Variants in ARVCF observed in about 807,000 individuals in gnomAD.
ARVCF encodes splicing regulator ARVCF.
ARVCF carries 66 observed loss-of-function variants against 90.9 expected under a neutral mutation model. That is an observed-to-expected ratio of 0.73 (90% CI 0.60 to 0.89). ARVCF has a LOEUF of 0.89. Ranked by LOEUF, ARVCF falls within the 40% of genes least tolerant of loss-of-function variation. The pLI, the probability that ARVCF is intolerant of heterozygous loss-of-function variation, is 0.00. For missense variants in ARVCF, 1,469 were observed against 1,382.3 expected, an observed-to-expected ratio of 1.06 and a Z score of -1.00; for synonymous variants, 653 against 603.4, an observed-to-expected ratio of 1.08 and a Z score of -1.21.
chr22:19,966,236 G>A (rs1942381554), downstream of ARVCF, among the ~76,000 whole-genome samples: 1 of 152,136 alleles, frequency 6.6e-6, no homozygotes, highest in Admixed American at 6.5e-5. Flanking sequence ...CCTTGTGGAG[G>A]GTTAGGGGAC....
chr22:19,978,551 GA>G, intron 7 of ARVCF, among the ~76,000 whole-genome samples: 1 of 152,296 alleles, frequency 6.6e-6, no homozygotes, highest in South Asian at 2.1e-4. Flanking sequence ...GGTAGGAGGG[GA>G]AGGGCAGAGG....
rs1432580216 is a variant in ARVCF, at chr22:19,973,129, C to G, written c.2428G>C (p.Val810Leu). Residue 810 changes from valine to leucine, a missense_variant, in exon 14 of 20, where the codon GTG (valine) becomes CTG (leucine). Transcript: ENST00000263207. ...ARGVPALVAL[V>L]ASSQSVREAK... Reference sequence around the variant, plus strand: ...CCCGCCCCTCCACACCTGGAGGCCACGAGAGCCACCAACGCTGGCACCCCG... The same window carrying G: ...CCCGCCCCTCCACACCTGGAGGCCAGGAGAGCCACCAACGCTGGCACCCCG... 6 of 1,606,710 alleles carry G rather than the reference C, an allele frequency of 3.7e-6. No homozygotes were observed. The highest frequency in any genetic ancestry group is 5.1e-6 in the Non-Finnish European group (6 of 1,177,508).
intron 3 of ARVCF, among the ~76,000 whole-genome samples, chr22:19,982,673 G>A (rs928501213): frequency 6.6e-6 from 1 of 152,210 alleles, no homozygotes; most frequent in Non-Finnish European, 1.5e-5. Flanking sequence ...ACGCCCTCAA[G>A]GGACAGAAAT....
intron 2 of ARVCF, among the ~76,000 whole-genome samples, chr22:19,994,889 T>C (rs1479542334): frequency 8.3e-6 from 1 of 120,414 alleles, no homozygotes; most frequent in African/African-American, 3.3e-5. Context: ...TGGTGGGGGA[T>C]GGATGGATGA....
chr22:19,981,839 C>T, intron 4 of ARVCF, 94 bp downstream of exon 4: 1 of 1,553,890 alleles, frequency 6.4e-7, no homozygotes, highest in Non-Finnish European at 8.7e-7. Context: ...CAATGAGAGG[C>T]CCCACGTGGC....
chr22:19,977,884 C>T, intron 8 of ARVCF, 74 bp downstream of exon 8: 7 of 1,475,560 alleles, frequency 4.7e-6, no homozygotes, highest in Non-Finnish European at 6.4e-6. Context: ...GCTGCTCCCA[C>T]AGTTCCAGCC....
chr22:19,970,421 C>A lies in ARVCF; in HGVS notation c.*335G>T, dbSNP rs535868598. On this transcript the variant is annotated 3_prime_UTR_variant, in exon 20 of 20. Coordinates refer to ENST00000263207, the MANE Select transcript of ARVCF (RefSeq NM_001670.3). ...TTCCCAGGGGCACCCTCCTATCCCACCAGCCCCAAAGCCCAGCCAGGCACC... is the reference window on the plus strand; with the variant it reads ...TTCCCAGGGGCACCCTCCTATCCCAACAGCCCCAAAGCCCAGCCAGGCACC... The A allele has an allele frequency of 4.2e-4, 448 of 1,073,572 alleles. 6 individuals carry two copies. In the South Asian group the frequency reaches 9.6e-3, roughly 23 times the overall value. The allele number at this position is 1,073,572 out of a possible 1,614,324, so 66.5% of individuals were successfully genotyped here. A position where few individuals can be genotyped will look rare whatever the true frequency, so the allele number is the denominator to read the frequency against.
Position 19,979,988 on chromosome 22 carries a change from T to C in ARVCF, c.1151A>G (p.His384Arg). 1 of 1,596,342 alleles carries C rather than the reference T, an allele frequency of 6.3e-7. No individual in the cohort carries two copies. Among genetic ancestry groups the C allele is most frequent in the Non-Finnish European group, 8.5e-7 (1 of 1,172,020 alleles). ...VKANAAAYLQ[H>R]LCFENEGVKR... The stretch of plus-strand genomic sequence containing the variant: ...GACACCCTCGTTCTCAAAGCACAGA[T>C]GCTGCAGGTAGGCGGCCGCATTGGC... The change falls in exon 6 of 20, where the codon CAT becomes CGT. Residue 384 changes from histidine (H) to arginine (R), a missense_variant. His to Arg is a conservative substitution (Grantham distance 29). Coordinates refer to ENST00000263207, the MANE Select transcript of ARVCF (RefSeq NM_001670.3).
At chr22:20,004,864 C>T (rs1028217078) in intron 2 of ARVCF, among the ~76,000 whole-genome samples, 2 of 152,168 alleles carry the variant, frequency 1.3e-5, no homozygotes, top group African/African-American at 4.8e-5. Context: ...CACACCCTTA[C>T]CTTATTACAT....
intron 2 of ARVCF, among the ~76,000 whole-genome samples, chr22:20,005,545 C>T (rs554097233): frequency 3.3e-5 from 5 of 152,266 alleles, no homozygotes; most frequent in Non-Finnish European, 5.9e-5. Context: ...TGAGGCCAGG[C>T]GTGGTGGCTC....
intron 18 of ARVCF, 48 bp from the exon 19 acceptor site, chr22:19,971,383 A>G (rs1172209814): frequency 1.3e-6 from 2 of 1,510,698 alleles, no homozygotes; most frequent in East Asian, 4.9e-5. Flanking sequence ...CAGGTTAGTT[A>G]GAGCTCCTGG....
At chr22:20,011,950 T>C (rs1007674991) in intron 1 of ARVCF, among the ~76,000 whole-genome samples, 4 of 151,942 alleles carry the variant, frequency 2.6e-5, no homozygotes, top group African/African-American at 9.7e-5. Flanking sequence ...AGCCGTCATC[T>C]CACTGACTCT....
intron 3 of ARVCF, chr22:19,987,265 GGGGCGTGGCGGGGGCCGGGGT>G (rs1211328384): frequency 1.3e-5 from 4 of 311,288 alleles, no homozygotes; most frequent in African/African-American, 6.6e-5. Context: ...GCGCCCAGGT[GGGGCGTGGCGGGGGCCGGGGT>G]GGGCGTGGCG....
chr22:20,008,539 T>G (rs1944714353), intron 2 of ARVCF, among the ~76,000 whole-genome samples: 1 of 152,226 alleles, frequency 6.6e-6, no homozygotes, highest in South Asian at 2.1e-4. Context: ...GGGCCTGATG[T>G]GCCTGTGATG....
downstream of ARVCF, chr22:19,966,964 G>A (rs1361195811): frequency 5.1e-6 from 5 of 985,278 alleles, no homozygotes; most frequent in Non-Finnish European, 6.0e-6. Context: ...CTGCTCAGAC[G>A]CTGATGCATG....
intron 2 of ARVCF, among the ~76,000 whole-genome samples, chr22:20,004,053 T>C (rs1450287022): frequency 6.6e-6 from 1 of 152,018 alleles, no homozygotes; most frequent in African/African-American, 2.4e-5. Context: ...TACCCAGAAA[T>C]CAGTTGCATT....
chr22:19,997,148 C>T (rs1044522057), intron 2 of ARVCF, among the ~76,000 whole-genome samples: 10 of 152,236 alleles, frequency 6.6e-5, no homozygotes, highest in African/African-American at 2.4e-4. Flanking sequence ...GGGGCTGATA[C>T]GGAAGCTGGG....
chr22:19,983,120 G>A (rs1943593077), intron 3 of ARVCF, among the ~76,000 whole-genome samples: 1 of 152,258 alleles, frequency 6.6e-6, no homozygotes, highest in Admixed American at 6.5e-5. Context: ...GGGCCACATG[G>A]CACCAACATC....
At chr22:19,968,608 C>T (rs1055337641), downstream of ARVCF, 2 of 1,613,946 alleles carry the variant, frequency 1.2e-6, no homozygotes, top group Admixed American at 1.7e-5. Context: ...GCCAGACTTC[C>T]TAGCACACGT....
Sources: allele counts gnomAD v4.1 joint callset (sites outside exome capture counted in the v4.1 genomes callset), GRCh38; gene constraint gnomAD v4.1.1; transcripts MANE v1.5; gene names NCBI Gene and HGNC (gene_info 2026-07-23, HGNC 2026-07-21).